ALLC: variants seen among roughly 807,000 people sequenced by gnomAD.
ALLC encodes the protein allantoicase.
Under a neutral mutation model 45.0 loss-of-function variants are expected in ALLC, and 40 were observed. The observed-to-expected ratio is 0.89, with a 90% CI of 0.69 to 1.16. The LOEUF is 1.16. Ranked by LOEUF, ALLC falls within the 50% of genes most tolerant of loss-of-function variation. ALLC has a pLI of 0.00. For missense variants in ALLC, 488 were observed against 493.1 expected, an observed-to-expected ratio of 0.99 and a Z score of 0.10; for synonymous variants, 176 against 178.1, an observed-to-expected ratio of 0.99 and a Z score of 0.09.
At chr2:3,697,621 G>GTCTGTCTGTCTGTCTGTCTGTCTA (rs1354630765) in intron 10 of ALLC, among the ~76,000 whole-genome samples, 165 bp downstream of exon 10, 6 of 125,442 alleles carry the variant, frequency 4.8e-5, no homozygotes, top group African/African-American at 1.7e-4. Flanking sequence ...CTGTCTGTCT[G>GTCTGTCTGTCTGTCTGTCTGTCTA]TCTATCTATC....
At chr2:3,659,366 G>A (rs776327784) in intron 1 of ALLC, among the ~76,000 whole-genome samples, 1 of 152,118 alleles carries the variant, frequency 6.6e-6, no homozygotes, top group African/African-American at 2.4e-5. Flanking sequence ...TTGCCTCATC[G>A]CCTTGCCGTA....
chr2:3,658,500 G>A (rs1016463152), intron 1 of ALLC, among the ~76,000 whole-genome samples: 1 of 152,188 alleles, frequency 6.6e-6, no homozygotes, highest in Non-Finnish European at 1.5e-5. Flanking sequence ...GGGCCCCACA[G>A]GTGGGTCAGG....
At chr2:3,693,099 C>G (rs1163870146) in intron 7 of ALLC, among the ~76,000 whole-genome samples, 1 of 152,198 alleles carries the variant, frequency 6.6e-6, no homozygotes, top group Non-Finnish European at 1.5e-5. Flanking sequence ...ACCGCAGACT[C>G]TCACTGTTCT....
At chr2:3,668,232 A>C (rs1666778626) in intron 1 of ALLC, among the ~76,000 whole-genome samples, 1 of 152,130 alleles carries the variant, frequency 6.6e-6, no homozygotes, top group Non-Finnish European at 1.5e-5. Flanking sequence ...AAAAGCTTGG[A>C]GGGAGGCAAG....
At chr2:3,696,876 G>T (rs534996563) in intron 9 of ALLC, among the ~76,000 whole-genome samples, 1 of 152,290 alleles carries the variant, frequency 6.6e-6, no homozygotes, top group African/African-American at 2.4e-5. Flanking sequence ...GGTCAGAAAA[G>T]TGCCCTCCCC....
chr2:3,651,297 T>TGGGGGGGGGGGGG, the ALLC span, among the ~76,000 whole-genome samples: 1 of 1,716 alleles, frequency 5.8e-4, no homozygotes, highest in Admixed American at 4.8e-3. Flanking sequence ...GAATTCTTTT[T>TGGGGGGGGGGGGG]GGGTGGGTGG....
At position 3,700,771 on chromosome 2, in the gene ALLC, G is replaced by A. The variant is rs548201940; in HGVS notation, c.851-741G>A. On this transcript the variant is annotated intron_variant, in intron 10 of 11. Coordinates refer to ENST00000252505, the MANE Select transcript of ALLC (RefSeq NM_018436.4). Reference sequence around the variant, plus strand: ...CCGTATGCACCCCAGGGGCATGTTCGCCCACCCTGGAGACTACCGTTTTAA... The same window carrying A: ...CCGTATGCACCCCAGGGGCATGTTCACCCACCCTGGAGACTACCGTTTTAA... Among the ~76,000 whole-genome samples, 193 of 152,178 alleles carry A rather than the reference G, an allele frequency of 1.3e-3. 4 individuals carry two copies. Among genetic ancestry groups the A allele is most frequent in the Non-Finnish European group, 3.8e-4 (26 of 67,992 alleles).
Position 3,701,640 on chromosome 2 carries a change from C to T in ALLC, c.975+4C>T, listed in dbSNP as rs369317175. ...ACCACTGCTTCCAGTGACCAAGGTT[C>T]GTGTGGCATGTTATTCGGATCCAGC... On this transcript the variant is annotated splice_donor_region_variant and intron_variant, in intron 11 of 11. Transcript: ENST00000252505. The T allele has an allele frequency of 2.4e-4, 380 of 1,609,732 alleles. 1 individual carries two copies. The African/African-American group carries it at 3.4e-3, about 14-fold the overall frequency.
intron 3 of ALLC, among the ~76,000 whole-genome samples, chr2:3,677,188 G>A (rs914159361): frequency 5.9e-5 from 9 of 152,144 alleles, no homozygotes; most frequent in African/African-American, 1.7e-4. Flanking sequence ...GTTCAGTAGC[G>A]TGTGTCCCCA....
intron 2 of ALLC, among the ~76,000 whole-genome samples, chr2:3,673,009 G>A (rs1666933789): frequency 6.6e-6 from 1 of 151,596 alleles, no homozygotes; most frequent in Non-Finnish European, 1.5e-5. Flanking sequence ...ATGCCAGGGT[G>A]CTGGGGGAGC....
At chr2:3,682,834 A>C (rs934256664) in intron 6 of ALLC, 108 bp from the exon 7 acceptor site, 35 of 1,231,054 alleles carry the variant, frequency 2.8e-5, no homozygotes, top group Non-Finnish European at 3.9e-5. Context: ...ATCCATCATT[A>C]ATTTTTATTC....
At chr2:3,667,376 T>G (rs13403164) in intron 1 of ALLC, among the ~76,000 whole-genome samples, 61,729 of 151,698 alleles carry the variant, frequency 0.41, 12,615 homozygotes, top group Non-Finnish European at 0.44. Flanking sequence ...CTGCACACGG[T>G]GCTGAATGAA....
At chr2:3,651,297 T>TGGGGGGGGGGGGGGGG in the ALLC span, among the ~76,000 whole-genome samples, 1 of 1,720 alleles carries the variant, frequency 5.8e-4, no homozygotes, top group African/African-American at 1.3e-3. Context: ...GAATTCTTTT[T>TGGGGGGGGGGGGGGGG]GGGTGGGTGG....
chr2:3,680,763 G>A lies in ALLC; in HGVS notation c.298+769G>A, dbSNP rs1229376940. On this transcript the variant is annotated intron_variant, in intron 5 of 11. Coordinates refer to ENST00000252505, the MANE Select transcript of ALLC (RefSeq NM_018436.4). This position sits in a 1 kb window ranked among gnomAD's most constrained non-coding sequence, Gnocchi z 4.0. ...AAGGCAGCCTCCAGAACAGGGAAGA[G>A]GGCGGTGTGCGTCACAGCCTCTGAT... Among the ~76,000 whole-genome samples, 1 of 152,134 alleles carries A rather than the reference G, an allele frequency of 6.6e-6. No individual in the cohort carries two copies. Among genetic ancestry groups the A allele is most frequent in the African/African-American group, 2.4e-5 (1 of 41,438 alleles).
chr2:3,667,558 C>T (rs1327619486), intron 1 of ALLC, among the ~76,000 whole-genome samples: 2 of 152,194 alleles, frequency 1.3e-5, no homozygotes, highest in East Asian at 1.9e-4. Context: ...CTGTCAAAGA[C>T]GCGTTCCTTT....
At chr2:3,657,533 T>A (rs1365266091), upstream of ALLC, among the ~76,000 whole-genome samples, 1 of 152,146 alleles carries the variant, frequency 6.6e-6, no homozygotes, top group Non-Finnish European at 1.5e-5. Context: ...CCCAGCTGAT[T>A]CATCTGCAGA....
chr2:3,686,148 A>C (rs769757063), intron 7 of ALLC, among the ~76,000 whole-genome samples: 9 of 151,058 alleles, frequency 6.0e-5, no homozygotes, highest in Non-Finnish European at 1.3e-4. Context: ...TTTTGATTTC[A>C]TTTTGCATAA....
the ALLC span, among the ~76,000 whole-genome samples, chr2:3,649,911 A>G: frequency 6.6e-6 from 1 of 152,256 alleles, no homozygotes; most frequent in African/African-American, 2.4e-5. Flanking sequence ...CAGTGTTACA[A>G]CGAAGCAAGG....
chr2:3,663,390 T>TG (rs1202587936), intron 1 of ALLC, among the ~76,000 whole-genome samples: 2 of 152,014 alleles, frequency 1.3e-5, no homozygotes, highest in Admixed American at 6.6e-5. Flanking sequence ...ATAGACATGT[T>TG]GGGGGGAACA....
Sources: allele counts gnomAD v4.1 joint callset (sites outside exome capture counted in the v4.1 genomes callset), GRCh38; gene constraint gnomAD v4.1.1; non-coding constraint Gnocchi (gnomAD v3.1); transcripts MANE v1.5; gene names NCBI Gene and HGNC (gene_info 2026-07-23, HGNC 2026-07-21).